Variants in TRIM36 observed in about 807,000 individuals in gnomAD.
TRIM36 encodes E3 ubiquitin-protein ligase TRIM36.
TRIM36 carries 42 observed loss-of-function variants against 72.4 expected under a neutral mutation model. That is an observed-to-expected ratio of 0.58 (90% confidence interval 0.45 to 0.75). TRIM36 has a LOEUF of 0.75. TRIM36 is among the 30% of genes least tolerant of loss of function. The probability of loss-of-function intolerance (pLI) is 0.00; values close to 1 mark genes in which losing one functional copy is unlikely to be tolerated. For missense variants in TRIM36, 913 were observed against 857.1 expected (o/e 1.07, Z -0.81); for synonymous variants, 315 against 282.8 (o/e 1.11, Z -1.14).
chr5:115,129,980 T>C (rs1752586742), intron 9 of TRIM36, among the ~76,000 whole-genome samples: 1 of 152,216 alleles, frequency 6.6e-6, no homozygotes, highest in African/African-American at 2.4e-5. Context: ...ATTTTCAGCA[T>C]TATATAAATT....
intron 7 of TRIM36, 75 bp downstream of exon 7, chr5:115,136,925 G>A: frequency 7.2e-7 from 1 of 1,391,518 alleles, no homozygotes; most frequent in South Asian, 1.8e-5. Context: ...TCAAATTTAA[G>A]AGAACTTGTG....
At chr5:115,170,194 C>G (rs1205876970), upstream of TRIM36, among the ~76,000 whole-genome samples, 1 of 151,648 alleles carries the variant, frequency 6.6e-6, no homozygotes, top group Non-Finnish European at 1.5e-5. Context: ...CTGGGGGGCT[C>G]TGAGGAACGG....
rs148756111 is a variant in TRIM36, at chr5:115,154,685, T to C, written c.263-7291A>G. Among the ~76,000 whole-genome samples the C allele has an allele frequency of 4.9e-3, 750 of 152,280 alleles. 8 individuals carry two copies. Among genetic ancestry groups the C allele is most frequent in the African/African-American group, 0.016 (678 of 41,578 alleles). Reference sequence around the variant, plus strand: ...CTAGTAACAAGCACCAAGATTGAAATGGTAATTTAAAAATTATCAACAAAA... The same window carrying C: ...CTAGTAACAAGCACCAAGATTGAAACGGTAATTTAAAAATTATCAACAAAA... On this transcript the variant is annotated intron_variant, in intron 2 of 9. Coordinates refer to ENST00000513154, the MANE Select transcript of TRIM36 (RefSeq NM_001300759.2).
chr5:115,177,624 G>T (rs1755393873), intron 1 of TRIM36: 2 of 1,530,100 alleles, frequency 1.3e-6, no homozygotes, highest in Non-Finnish European at 1.8e-6. Flanking sequence ...TGCTGGGGCT[G>T]CGGGGCGGGG....
intron 1 of TRIM36, among the ~76,000 whole-genome samples, chr5:115,167,206 C>T (rs996841887): frequency 6.6e-6 from 1 of 152,150 alleles, no homozygotes; most frequent in African/African-American, 2.4e-5. Flanking sequence ...TGGGCCCACT[C>T]CACTAAAACA....
chr5:115,141,952 A>G (rs1424580973), intron 4 of TRIM36, among the ~76,000 whole-genome samples: 1 of 152,186 alleles, frequency 6.6e-6, no homozygotes. Flanking sequence ...ACCTTTTTAA[A>G]TAAGTATAGT....
upstream of TRIM36, among the ~76,000 whole-genome samples, chr5:115,172,425 T>G (rs761914847): frequency 6.6e-6 from 1 of 152,118 alleles, no homozygotes; most frequent in Non-Finnish European, 1.5e-5. Context: ...TTAAAATCAA[T>G]GTACTGATGA....
rs746132437 is a variant in TRIM36, at chr5:115,130,843, G to T, written c.1545C>A (p.His515Gln). 3.9e-5 allele frequency: 63 copies of T among 1,613,852 alleles called. No homozygotes were observed. The highest frequency in any genetic ancestry group is 5.3e-5 in the Non-Finnish European group (63 of 1,179,912). The change falls in exon 9 of 10, where the codon CAC (histidine) becomes CAA (glutamine). Residue 515 changes from histidine to glutamine, a missense_variant. By Grantham distance (24) the His-to-Gln change is conservative. Transcript: ENST00000513154. ...GGTCTCTCTTCAAGTTCAGCAGGAGGTGTTCATTATTATAGCCACATTTTT... is the reference window on the plus strand; with the variant it reads ...GGTCTCTCTTCAAGTTCAGCAGGAGTTGTTCATTATTATAGCCACATTTTT... Reference protein sequence around the residue: ...FDEKCGYNNEHLLLNLKRDRV... With the variant: ...FDEKCGYNNEQLLLNLKRDRV...
At chr5:115,152,856 TA>T (rs774930191) in intron 2 of TRIM36, among the ~76,000 whole-genome samples, 4 of 152,132 alleles carry the variant, frequency 2.6e-5, no homozygotes, top group Non-Finnish European at 4.4e-5. Context: ...AAAGAACTGC[TA>T]AAAGGAGCTC....
chr5:115,171,759 C>G (rs1462209230), upstream of TRIM36, among the ~76,000 whole-genome samples: 1 of 152,184 alleles, frequency 6.6e-6, no homozygotes, highest in Non-Finnish European at 1.5e-5. Context: ...ACCTGATCCA[C>G]AAAATTCAAA....
intron 1 of TRIM36, among the ~76,000 whole-genome samples, chr5:115,179,718 C>T (rs1202156124): frequency 6.6e-6 from 1 of 152,368 alleles, no homozygotes; most frequent in East Asian, 1.9e-4. Context: ...GTCCGAGAGC[C>T]CCTATTGCTG....
chr5:115,126,857 T>C lies in TRIM36; in HGVS notation c.1797A>G (p.Arg599=). Residue 599 remains arginine (R), a splice_region_variant and synonymous_variant, in exon 10 of 10, where the codon AGA becomes AGG. Transcript: ENST00000513154. ...TGTCATGCCCACTGTCTTGCTCATA[T>C]CTGAAACATAATACAAAGCATCTGT... ...LRSPRDAVSP[R]YEQDSGHDSG... The C allele has an allele frequency of 3.1e-6, 5 of 1,603,964 alleles. No individual in the cohort carries two copies. The highest frequency in any genetic ancestry group is 4.3e-6 in the Non-Finnish European group (5 of 1,175,366).
At chr5:115,140,432 C>A (rs1561426850) in intron 5 of TRIM36, among the ~76,000 whole-genome samples, 2 of 152,088 alleles carry the variant, frequency 1.3e-5, no homozygotes, top group Non-Finnish European at 2.9e-5. Context: ...AAACATAATA[C>A]ACAAATGGAA....
At chr5:115,167,558 G>A (rs751780729) in intron 1 of TRIM36, among the ~76,000 whole-genome samples, 2 of 152,220 alleles carry the variant, frequency 1.3e-5, no homozygotes, top group African/African-American at 2.4e-5. Context: ...AGCATAGCAA[G>A]AGTCACCTTC....
At chr5:115,172,644 G>A (rs1446921686), upstream of TRIM36, among the ~76,000 whole-genome samples, 3 of 152,024 alleles carry the variant, frequency 2.0e-5, no homozygotes, top group Non-Finnish European at 4.4e-5. Flanking sequence ...GCTGAGGCAG[G>A]AGAATCACTT....
chr5:115,132,901 C>T (rs1752766646), intron 8 of TRIM36, among the ~76,000 whole-genome samples: 1 of 152,198 alleles, frequency 6.6e-6, no homozygotes, highest in Non-Finnish European at 1.5e-5. Context: ...GCAAATTCAT[C>T]CCAAAACTCT....
At chr5:115,131,291 T>C (rs1561419420) in intron 8 of TRIM36, among the ~76,000 whole-genome samples, 1 of 152,180 alleles carries the variant, frequency 6.6e-6, no homozygotes, top group South Asian at 2.1e-4. Context: ...AAAGTTTTGT[T>C]AATTTGGGTC....
chr5:115,141,180 C>T lies in TRIM36; in HGVS notation c.831+99G>A, dbSNP rs527494845. The T allele has an allele frequency of 5.9e-6, 5 of 843,224 alleles. No homozygotes were observed. In the East Asian group the frequency reaches 1.4e-4, roughly 24 times the overall value. 52.2% of individuals were successfully genotyped at this position (843,224 alleles called of 1,614,324 possible). A position where few individuals can be genotyped will look rare whatever the true frequency, so the allele number is the denominator to read the frequency against. ...GTGAAATCTAACACAACTTTGTATT[C>T]CCAGCTCATATAATACTCTCAGGAT... is the stretch of plus-strand genomic sequence containing the variant. On this transcript the variant is annotated intron_variant, in intron 5 of 9. Transcript: ENST00000513154.
intron 2 of TRIM36, 109 bp downstream of exon 2, chr5:115,163,408 GA>G (rs1754591080): frequency 4.5e-6 from 4 of 897,608 alleles, no homozygotes; most frequent in Non-Finnish European, 3.4e-6. Flanking sequence ...TATTCACCTG[GA>G]AAAATTAACT....
Sources: gnomAD v4.1 joint callset for allele counts (sites outside exome capture counted in the v4.1 genomes callset) on GRCh38, gnomAD v4.1.1 for gene constraint, MANE v1.5 for transcripts, NCBI Gene and HGNC (gene_info 2026-07-23, HGNC 2026-07-21) for gene names.